The following ARHGEF4 variants were observed in gnomAD, a reference collection of about 807,000 sequenced individuals.
ARHGEF4 encodes the protein Rho guanine nucleotide exchange factor 4, also known as APC-stimulated guanine nucleotide exchange factor 1.
A neutral mutation model predicts 162.0 loss-of-function variants in ARHGEF4; 119 were observed. The observed-to-expected ratio is 0.73, with a 90% CI of 0.63 to 0.86. The LOEUF (loss-of-function observed/expected upper bound fraction) is 0.86, where lower values mean the gene tolerates loss of function less well. ARHGEF4 is among the 40% of genes least tolerant of loss of function. The probability of loss-of-function intolerance (pLI) is 0.00; values close to 1 mark genes in which losing one functional copy is unlikely to be tolerated. For missense variants in ARHGEF4, 2,488 were observed against 2,456.0 expected, an observed-to-expected ratio of 1.01 and a Z score of -0.28; for synonymous variants, 1,014 against 979.9, an observed-to-expected ratio of 1.03 and a Z score of -0.65.
At chr2:131,001,760 G>T (rs1202515778) in intron 4 of ARHGEF4, among the ~76,000 whole-genome samples, 3 of 152,114 alleles carry the variant, frequency 2.0e-5, no homozygotes, top group Non-Finnish European at 4.4e-5. Flanking sequence ...CATGTAGGAC[G>T]ATCATATTTG....
At chr2:130,922,477 A>G (rs576182963) in intron 2 of ARHGEF4, among the ~76,000 whole-genome samples, 31 of 152,296 alleles carry the variant, frequency 2.0e-4, no homozygotes, top group African/African-American at 7.0e-4. Context: ...GAGAGGCTCA[A>G]ATTTTTTAAA....
In ARHGEF4 at chr2:130,915,795, G is replaced by A. The variant is rs868307654; in HGVS notation, c.1849G>A (p.Glu617Lys). The A allele has an allele frequency of 3.3e-6, 5 of 1,525,408 alleles. No homozygotes were observed. The highest frequency in any genetic ancestry group is 2.1e-5 in the Admixed American group (1 of 47,506). The allele number at this position is 1,525,408 out of a possible 1,614,324, so 94.5% of individuals were successfully genotyped here. ...GPGGAGGRQL[E>K]PKAGGEASRG... ...TGGGGGTGCCGGGGGCCGGCAGCTG[G>A]AGCCCAAAGCAGGCGGCGAGGCCTC... Residue 617 changes from glutamate (E) to lysine (K), a missense_variant, in exon 2 of 14, where the codon GAG becomes AAG. Physicochemically the swap from Glu to Lys is moderately conservative, Grantham distance 56. This residue lies in a region of ARHGEF4 where 1,642 missense variants were observed against 1,481.5 expected (regional missense o/e 1.11). Coordinates refer to ENST00000409359, the MANE Select transcript of ARHGEF4 (RefSeq NM_001367493.1).
chr2:130,888,686 G>A (rs1679668176), intron 1 of ARHGEF4, among the ~76,000 whole-genome samples: 1 of 152,004 alleles, frequency 6.6e-6, no homozygotes, highest in African/African-American at 2.4e-5. Context: ...AGATACTTAG[G>A]GATGATCCTC....
intron 1 of ARHGEF4, among the ~76,000 whole-genome samples, chr2:130,862,531 A>G (rs2104908236): frequency 1.1e-4 from 2 of 17,582 alleles, no homozygotes; most frequent in East Asian, 1.1e-3. Flanking sequence ...GGGTTAGGCA[A>G]TGGTTTCTTA....
intron 3 of ARHGEF4, among the ~76,000 whole-genome samples, chr2:130,941,855 G>A (rs149096281): frequency 5.3e-5 from 8 of 152,204 alleles, no homozygotes; most frequent in South Asian, 2.1e-4. Context: ...AAGTAAACCC[G>A]TGCAGTTCAA....
At chr2:130,911,111 G>A (rs981962459) in intron 1 of ARHGEF4, among the ~76,000 whole-genome samples, 17 of 152,162 alleles carry the variant, frequency 1.1e-4, no homozygotes, top group Admixed American at 9.8e-4. Flanking sequence ...TCGGGGCAGC[G>A]GGCAGGGAAG....
At chr2:130,995,494 G>A (rs1687317934) in intron 4 of ARHGEF4, among the ~76,000 whole-genome samples, 1 of 152,182 alleles carries the variant, frequency 6.6e-6, no homozygotes, top group African/African-American at 2.4e-5. Context: ...TGGATCTGCA[G>A]CTATTGAAGT....
intron 3 of ARHGEF4, among the ~76,000 whole-genome samples, chr2:130,944,832 G>C (rs1683507288): frequency 6.6e-6 from 1 of 151,952 alleles, no homozygotes; most frequent in South Asian, 2.1e-4. Context: ...ATTGTATTCT[G>C]GGCATCTTAA....
At chr2:130,892,907 C>A (rs1040400944) in intron 1 of ARHGEF4, among the ~76,000 whole-genome samples, 1 of 152,220 alleles carries the variant, frequency 6.6e-6, no homozygotes, top group Non-Finnish European at 1.5e-5. Context: ...CTGTCCCCAC[C>A]TTCTGAATGT....
intron 2 of ARHGEF4, among the ~76,000 whole-genome samples, chr2:130,919,287 T>A (rs59625653): frequency 0.075 from 11,405 of 152,258 alleles, 1,316 homozygotes; most frequent in African/African-American, 0.25. Flanking sequence ...TCGATGCTTT[T>A]ATTTATGTCT....
chr2:130,915,252 T>C lies in ARHGEF4; in HGVS notation c.1306T>C (p.Cys436Arg). The C allele has an allele frequency of 6.4e-7, 1 of 1,550,610 alleles. No individual in the cohort carries two copies. Among genetic ancestry groups the C allele is most frequent in the Non-Finnish European group, 8.7e-7 (1 of 1,147,004 alleles). The change falls in exon 2 of 14, where the codon TGT becomes CGT. Residue 436 changes from cysteine to arginine, a missense_variant. Physicochemically the swap from Cys to Arg is radical, Grantham distance 180 (BLOSUM62 -3). Around this residue, in one of 6 missense-constraint regions of ARHGEF4, gnomAD observed 1,642 missense variants for 1,481.5 expected, o/e 1.11. Transcript: ENST00000409359. The stretch of plus-strand genomic sequence containing the variant: ...CCAGTTAAGACAGGATTCCAGGTCA[T>C]GTCTGGTGGCTTCATGCCTCACCTC... ...ENQLRQDSRS[C>R]LVASCLTSEL... is the part of the protein sequence containing the mutation.
In ARHGEF4 at chr2:130,899,135, C is replaced by A. The variant is rs76333341; in HGVS notation, c.40-14851C>A. Among the ~76,000 whole-genome samples, 417 of 152,270 alleles carry A rather than the reference C, an allele frequency of 2.7e-3. 15 individuals carry two copies. The East Asian group carries it at 0.077, about 28-fold the overall frequency. On this transcript the variant is annotated intron_variant, in intron 1 of 13. Transcript: ENST00000409359. ...TTCTAAGCATGTGATTACATCCAGC[C>A]CAGCCAGGGTACTCTCTTTATTTTA...
chr2:130,936,630 G>T (rs1682957973), intron 3 of ARHGEF4, among the ~76,000 whole-genome samples: 1 of 151,984 alleles, frequency 6.6e-6, no homozygotes, highest in Non-Finnish European at 1.5e-5. Context: ...GGTTTCTGAG[G>T]AGAAATCAGC....
chr2:130,992,764 A>T (rs866687882), intron 4 of ARHGEF4, among the ~76,000 whole-genome samples: 1 of 152,232 alleles, frequency 6.6e-6, no homozygotes. Flanking sequence ...TTAGCTGAAT[A>T]AAGTATTATT....
At chr2:130,853,383 T>G (rs1384570394) in intron 1 of ARHGEF4, among the ~76,000 whole-genome samples, 4 of 152,186 alleles carry the variant, frequency 2.6e-5, no homozygotes, top group African/African-American at 9.7e-5. Context: ...CAGAGTTGTT[T>G]TTCAGACTTC....
intron 1 of ARHGEF4, among the ~76,000 whole-genome samples, chr2:130,854,533 C>T (rs1681623760): frequency 6.9e-6 from 1 of 144,274 alleles, no homozygotes; most frequent in African/African-American, 2.7e-5. Flanking sequence ...GTTGCAGAAG[C>T]TCTGTTTCTG....
intron 4 of ARHGEF4, among the ~76,000 whole-genome samples, chr2:130,973,324 A>G (rs911981313): frequency 6.6e-5 from 10 of 152,222 alleles, no homozygotes; most frequent in African/African-American, 2.4e-4. Context: ...GGCTGTCTCT[A>G]CTGAAAATAC....
chr2:131,004,356 G>A (rs141722090), intron 4 of ARHGEF4, among the ~76,000 whole-genome samples: 133 of 152,204 alleles, frequency 8.7e-4, no homozygotes, highest in African/African-American at 2.9e-3. Flanking sequence ...TAGTAGAGAC[G>A]GGGTTTAACC....
At chr2:130,942,006 C>T (rs934540765) in intron 3 of ARHGEF4, among the ~76,000 whole-genome samples, 6 of 152,030 alleles carry the variant, frequency 3.9e-5, no homozygotes, top group Admixed American at 1.3e-4. Context: ...TGAGAGGATT[C>T]CAAGCCTAAG....
Sources: gnomAD v4.1 joint callset for allele counts (sites outside exome capture counted in the v4.1 genomes callset) on GRCh38, gnomAD v4.1.1 for gene constraint, gnomAD v4.1.1 regional missense constraint, MANE v1.5 for transcripts, NCBI Gene and HGNC (gene_info 2026-07-23, HGNC 2026-07-21) for gene names.